The following DHX32 variants were observed in gnomAD, a reference collection of about 807,000 sequenced individuals.
DHX32 encodes the protein putative pre-mRNA-splicing factor ATP-dependent RNA helicase DHX32.
DHX32 carries 51 observed loss-of-function variants against 70.0 expected under a neutral mutation model. The observed-to-expected ratio is 0.73, with a 90% CI of 0.58 to 0.92. The LOEUF (loss-of-function observed/expected upper bound fraction) is 0.92. Among genes scored for constraint, DHX32 ranks in the 40% least tolerant of loss-of-function variants. The pLI is 0.00. For missense variants in DHX32, 762 were observed against 891.8 expected, an observed-to-expected ratio of 0.85 and a Z score of 1.85; for synonymous variants, 310 against 315.3, an observed-to-expected ratio of 0.98 and a Z score of 0.18.
Position 125,841,119 on chromosome 10 carries a change from T to TA in DHX32, c.1544-124dup. The TA allele has an allele frequency of 2.2e-6, 3 of 1,358,736 alleles. No individual in the cohort carries two copies. The South Asian group carries it at 4.2e-5, about 19-fold the overall frequency. The allele number at this position is 1,358,736 out of a possible 1,614,324, so 84.2% of individuals were successfully genotyped here. ...CTCCTGTCTTGGTACTCTGAATAAATATGTTATTCTTGTTTACTTAGAAAT... is the reference window on the plus strand; with the variant it reads ...CTCCTGTCTTGGTACTCTGAATAAATAATGTTATTCTTGTTTACTTAGAAAT... On this transcript the variant is annotated intron_variant, in intron 7 of 10. Transcript: ENST00000284690.
At chr10:125,890,869 G>C (rs1944366592) in intron 1 of DHX32, among the ~76,000 whole-genome samples, 1 of 152,104 alleles carries the variant, frequency 6.6e-6, no homozygotes, top group South Asian at 2.1e-4. Context: ...CCAGGAGTTT[G>C]AGACTAGCCT....
At chr10:125,863,081 A>G (rs963835323) in intron 2 of DHX32, among the ~76,000 whole-genome samples, 3 of 151,450 alleles carry the variant, frequency 2.0e-5, no homozygotes, top group Middle Eastern at 3.4e-3. Flanking sequence ...ATAAAGTTTT[A>G]TTAATATTTA....
chr10:125,882,461 T>C (rs1238876179), upstream of DHX32, among the ~76,000 whole-genome samples: 1 of 152,116 alleles, frequency 6.6e-6, no homozygotes, highest in East Asian at 1.9e-4. Context: ...AAACATTTGC[T>C]GAGTGTCTTC....
At chr10:125,848,390 C>A (rs1277057382) in intron 6 of DHX32, among the ~76,000 whole-genome samples, 1 of 152,194 alleles carries the variant, frequency 6.6e-6, no homozygotes, top group Non-Finnish European at 1.5e-5. Context: ...CTCTAAATAA[C>A]CCCAGGATAC....
At chr10:125,850,354 CTTTTTTT>C (rs765077777) in intron 6 of DHX32, among the ~76,000 whole-genome samples, 2 of 124,560 alleles carry the variant, frequency 1.6e-5, no homozygotes, top group Admixed American at 8.2e-5. Context: ...TTCTTTCTTT[CTTTTTTT>C]TTTTTTTTTT....
chr10:125,872,176 A>G (rs190747309), intron 1 of DHX32, among the ~76,000 whole-genome samples: 4 of 152,142 alleles, frequency 2.6e-5, no homozygotes, highest in Admixed American at 2.6e-4. Flanking sequence ...TTTTCTGGGT[A>G]CTACTTAGCA....
intron 1 of DHX32, among the ~76,000 whole-genome samples, chr10:125,879,883 A>G (rs1944307184): frequency 2.6e-5 from 4 of 152,188 alleles, no homozygotes; most frequent in Admixed American, 2.0e-4. Flanking sequence ...GGCTCAAATG[A>G]TCTGTCCACC....
intron 6 of DHX32, among the ~76,000 whole-genome samples, chr10:125,843,741 AC>A (rs1361617529): frequency 6.6e-6 from 1 of 152,186 alleles, no homozygotes; most frequent in Non-Finnish European, 1.5e-5. Context: ...GATGCAGCCT[AC>A]CACACCTCCA....
rs888005894 is a variant in DHX32 at position 125,852,643 on chromosome 10, CT to C, written c.1093-2del. 1 of 1,601,094 alleles carries C rather than the reference CT, an allele frequency of 6.2e-7. No individual in the cohort carries two copies. The highest frequency in any genetic ancestry group is 8.5e-7 in the Non-Finnish European group (1 of 1,175,508). On this transcript the variant is annotated splice_acceptor_variant, in intron 4 of 10. Coordinates refer to ENST00000284690, the MANE Select transcript of DHX32 (RefSeq NM_018180.3). LOFTEE classifies it high-confidence loss of function. ...TTGCTCTTATTCTCGGGTTGTACAC[CT>C]TTAAATGGAAAGACAGCATCATTAG... is the stretch of plus-strand genomic sequence containing the variant.
intron 6 of DHX32, 23 bp from the exon 7 acceptor site, chr10:125,841,957 A>G: frequency 1.3e-6 from 2 of 1,564,528 alleles, no homozygotes; most frequent in South Asian, 2.5e-5. Context: ...AAAAATAATA[A>G]TTTAAGAGTC....
rs1854857058 is a variant in DHX32, at chr10:125,840,852, C to G, written c.1688G>C (p.Ser563Thr). ...AYQDTTLNSS[S>T]EYCVEKWCRD... ...GTTTCTGAGCATTCACTTACACTCACTGCTAGAATTCAGAGTTGTGTCTTG... is the reference window on the plus strand; with the variant it reads ...GTTTCTGAGCATTCACTTACACTCAGTGCTAGAATTCAGAGTTGTGTCTTG... Residue 563 changes from serine to threonine, a missense_variant, in exon 8 of 11, where the codon AGT (serine) becomes ACT (threonine). Ser to Thr is a moderately conservative substitution (Grantham distance 58, BLOSUM62 1). Transcript: ENST00000284690. The G allele has an allele frequency of 1.9e-6, 3 of 1,590,046 alleles. No individual in the cohort carries two copies. Among genetic ancestry groups the G allele is most frequent in the African/African-American group, 1.3e-5 (1 of 74,196 alleles).
intron 1 of DHX32, among the ~76,000 whole-genome samples, chr10:125,874,674 A>G (rs1944274342): frequency 1.3e-5 from 2 of 152,192 alleles, no homozygotes; most frequent in Admixed American, 1.3e-4. Context: ...TCTCATAGAG[A>G]AGTTATGGAT....
chr10:125,867,537 C>T (rs986654437), intron 1 of DHX32, among the ~76,000 whole-genome samples: 2 of 152,046 alleles, frequency 1.3e-5, no homozygotes, highest in Non-Finnish European at 2.9e-5. Flanking sequence ...GAGATCGAGA[C>T]CATCCTGGCT....
intron 2 of DHX32, among the ~76,000 whole-genome samples, chr10:125,864,655 G>A (rs1944208041): frequency 6.6e-6 from 1 of 151,938 alleles, no homozygotes; most frequent in Non-Finnish European, 1.5e-5. Context: ...TAGGCTGGGT[G>A]CGGTAGCTCA....
chr10:125,839,231 A>C, intron 8 of DHX32, 43 bp from the exon 9 acceptor site: 1 of 1,596,580 alleles, frequency 6.3e-7, no homozygotes, highest in Non-Finnish European at 8.6e-7. Context: ...ATGATTTGTC[A>C]GAAGCTCTGA....
intron 2 of DHX32, among the ~76,000 whole-genome samples, chr10:125,864,295 A>G (rs936606628): frequency 1.3e-5 from 2 of 152,198 alleles, no homozygotes; most frequent in African/African-American, 4.8e-5. Context: ...ATATGAAAGC[A>G]ATGAAGAATA....
At chr10:125,867,575 A>C (rs1210728015) in intron 1 of DHX32, among the ~76,000 whole-genome samples, 1 of 152,138 alleles carries the variant, frequency 6.6e-6, no homozygotes, top group East Asian at 1.9e-4. Flanking sequence ...TCTCTACTTA[A>C]AATACAAAAA....
chr10:125,859,750 G>C lies in DHX32; in HGVS notation c.702C>G (p.Val234=), dbSNP rs1364569602. ...CAGGGTGTTTATTTTTCACTTCTAT[G>C]ACAGGCACGTTTCCATAATAAGAAT... ...KLNSYYGNVP[V]IEVKNKHPVE... The change falls in exon 3 of 11, where the codon GTC becomes GTG. Residue 234 remains valine (V), a synonymous_variant. Transcript: ENST00000284690. The C allele has an allele frequency of 6.2e-7, 1 of 1,614,060 alleles. No homozygotes were observed. Among genetic ancestry groups the C allele is most frequent in the Non-Finnish European group, 8.5e-7 (1 of 1,179,992 alleles).
chr10:125,871,497 A>G (rs1379228279), intron 1 of DHX32, among the ~76,000 whole-genome samples: 1 of 152,246 alleles, frequency 6.6e-6, no homozygotes, highest in Non-Finnish European at 1.5e-5. Flanking sequence ...CTCCCCTTCC[A>G]GTAACAGCTA....
Sources: gnomAD v4.1 joint callset for allele counts (sites outside exome capture counted in the v4.1 genomes callset) on GRCh38, gnomAD v4.1.1 for gene constraint, MANE v1.5 for transcripts, NCBI Gene and HGNC (gene_info 2026-07-23, HGNC 2026-07-21) for gene names.